Variants in PDZRN4 observed in about 807,000 individuals in gnomAD.
PDZRN4 encodes PDZ domain containing ring finger 4, also known as PDZ domain-containing RING finger protein 4.
Under a neutral mutation model 99.0 loss-of-function variants are expected in PDZRN4, and 70 were observed. The ratio of observed to expected loss-of-function variants is 0.71; its 90% CI spans 0.58 to 0.86. The LOEUF (loss-of-function observed/expected upper bound fraction) is 0.86. Among genes scored for constraint, PDZRN4 ranks in the 40% least tolerant of loss-of-function variants. The probability of loss-of-function intolerance (pLI) is 0.00; values close to 1 mark genes in which losing one functional copy is unlikely to be tolerated. For missense variants in PDZRN4, 1,474 were observed against 1,331.2 expected, an observed-to-expected ratio of 1.11 and a Z score of -1.67; for synonymous variants, 551 against 501.6, an observed-to-expected ratio of 1.10 and a Z score of -1.32.
At chr12:41,507,576 A>C (rs570034882) in intron 4 of PDZRN4, among the ~76,000 whole-genome samples, 1 of 152,122 alleles carries the variant, frequency 6.6e-6, no homozygotes, top group Non-Finnish European at 1.5e-5. Context: ...AGTGGGTCAC[A>C]GATGTACAAT....
At chr12:41,342,501 C>T (rs867742933) in intron 3 of PDZRN4, among the ~76,000 whole-genome samples, 3 of 151,754 alleles carry the variant, frequency 2.0e-5, no homozygotes, top group Admixed American at 6.6e-5. Context: ...AACAACTCCA[C>T]AGAAAAAATA....
chr12:41,454,656 G>A (rs1952803589), intron 3 of PDZRN4, among the ~76,000 whole-genome samples: 1 of 152,184 alleles, frequency 6.6e-6, no homozygotes, highest in Non-Finnish European at 1.5e-5. Flanking sequence ...AGATATTCTA[G>A]GACTTTGACC....
At chr12:41,401,385 G>C (rs73274480) in intron 3 of PDZRN4, among the ~76,000 whole-genome samples, 2,537 of 152,170 alleles carry the variant, frequency 0.017, 71 homozygotes, top group African/African-American at 0.056. Flanking sequence ...GCATGTTTCA[G>C]TTTTCTTTTA....
chr12:41,381,745 G>A (rs1389705568), intron 3 of PDZRN4, among the ~76,000 whole-genome samples: 3 of 151,742 alleles, frequency 2.0e-5, no homozygotes, highest in African/African-American at 7.3e-5. Flanking sequence ...ATTTCTTTAG[G>A]GTCAGTTATT....
chr12:41,448,566 G>A (rs17129364), intron 3 of PDZRN4, among the ~76,000 whole-genome samples: 8,504 of 152,182 alleles, frequency 0.056, 593 homozygotes, highest in East Asian at 0.18. Flanking sequence ...ATGGCCCAGA[G>A]CAGCTATTTA....
At chr12:41,308,350 A>G (rs954802944) in intron 3 of PDZRN4, among the ~76,000 whole-genome samples, 2 of 152,212 alleles carry the variant, frequency 1.3e-5, no homozygotes, top group Non-Finnish European at 2.9e-5. Context: ...TTGTGACGTG[A>G]CATTAAGATC....
At chr12:41,286,336 C>CTTTTTTTTTTTTT (rs71081721) in intron 3 of PDZRN4, among the ~76,000 whole-genome samples, 57 of 106,260 alleles carry the variant, frequency 5.4e-4, no homozygotes, top group Non-Finnish European at 6.2e-4. Flanking sequence ...CCTTCTTCTT[C>CTTTTTTTTTTTTT]TTTTTTTTTT....
intron 3 of PDZRN4, among the ~76,000 whole-genome samples, chr12:41,204,404 G>T (rs1950835040): frequency 6.6e-6 from 1 of 152,014 alleles, no homozygotes. Flanking sequence ...GTTTTCTACT[G>T]CAGGCTTGTT....
intron 9 of PDZRN4, among the ~76,000 whole-genome samples, chr12:41,569,981 C>CTT (rs1056780881): frequency 6.6e-6 from 1 of 150,836 alleles, no homozygotes; most frequent in African/African-American, 2.5e-5. Flanking sequence ...TTGCTCCAGG[C>CTT]TTTTTTTTTC....
At chr12:41,222,449 A>C (rs1315199902) in intron 3 of PDZRN4, among the ~76,000 whole-genome samples, 1 of 152,118 alleles carries the variant, frequency 6.6e-6, no homozygotes, top group Non-Finnish European at 1.5e-5. Flanking sequence ...ATTTCGTATA[A>C]AATGAGTTTT....
intron 3 of PDZRN4, among the ~76,000 whole-genome samples, chr12:41,485,445 T>C (rs1402981503): frequency 2.0e-5 from 3 of 152,124 alleles, no homozygotes; most frequent in African/African-American, 7.2e-5. Flanking sequence ...ACCGGAGGTG[T>C]TGCTATTCTT....
Position 41,573,307 on chromosome 12 carries a change from T to TC in PDZRN4, c.2531dup (p.Ala845SerfsTer50). 6.2e-7 allele frequency: 1 copy of TC among 1,613,344 alleles called. No homozygotes were observed. Among genetic ancestry groups the TC allele is most frequent in the East Asian group, 2.2e-5 (1 of 44,862 alleles). ...AGCTCCTCATATAGATATGCAAACA[T>TC]CCCAGCACACGCCCGGCATTATCAA... On this transcript the variant is annotated frameshift_variant, in exon 10 of 10. Transcript: ENST00000402685. LOFTEE classifies it high-confidence loss of function.
At chr12:41,331,908 G>A (rs1412125742) in intron 3 of PDZRN4, among the ~76,000 whole-genome samples, 2 of 152,102 alleles carry the variant, frequency 1.3e-5, no homozygotes, top group African/African-American at 4.8e-5. Flanking sequence ...TTTGGGTGAG[G>A]ACACAGCCGA....
chr12:41,431,320 T>G (rs752700401), intron 3 of PDZRN4, among the ~76,000 whole-genome samples: 2 of 152,208 alleles, frequency 1.3e-5, no homozygotes, highest in African/African-American at 2.4e-5. Context: ...TAGTAGGTGC[T>G]ATTATTATCC....
chr12:41,416,320 G>A (rs538633866), intron 3 of PDZRN4, among the ~76,000 whole-genome samples: 2 of 152,238 alleles, frequency 1.3e-5, no homozygotes, highest in South Asian at 4.1e-4. Context: ...ACAAAAAAAT[G>A]GCGAAAGAAG....
Position 41,188,449 on chromosome 12 carries a change from C to G in PDZRN4, c.-7C>G. Reference sequence around the variant, plus strand: ...CTTTCGCTCCCCCTTTCTTCCCCATCCCTAACATGGGCTTTGCCCTGGAGC... The same window carrying G: ...CTTTCGCTCCCCCTTTCTTCCCCATGCCTAACATGGGCTTTGCCCTGGAGC... On this transcript the variant is annotated 5_prime_UTR_variant, in exon 1 of 10. In the 5' UTR this introduces an upstream ATG that the reference lacks. Transcript: ENST00000402685. The G allele has an allele frequency of 6.3e-7, 1 of 1,575,232 alleles. No individual in the cohort carries two copies. The highest frequency in any genetic ancestry group is 8.6e-7 in the Non-Finnish European group (1 of 1,167,910).
chr12:41,208,517 G>A (rs543227857), intron 3 of PDZRN4, among the ~76,000 whole-genome samples: 1 of 151,784 alleles, frequency 6.6e-6, no homozygotes. Flanking sequence ...TTTAATCTTT[G>A]TCAGTAGCAG....
rs991006379 is a variant in PDZRN4 at position 41,236,617 on chromosome 12, C to T, written c.843+42429C>T. ...TAGTATGGGCAATAGATAATGAGGA[C>T]TTGAATGGGTGTGGGGGAGTGGGAC... On this transcript the variant is annotated intron_variant, in intron 3 of 9. Transcript: ENST00000402685. Among the ~76,000 whole-genome samples the T allele has an allele frequency of 5.9e-5, 9 of 152,024 alleles. No individual in the cohort carries two copies. The East Asian group carries it at 1.7e-3, about 29-fold the overall frequency.
chr12:41,262,699 A>G (rs371552577), intron 3 of PDZRN4, among the ~76,000 whole-genome samples: 19 of 148,550 alleles, frequency 1.3e-4, no homozygotes, highest in Middle Eastern at 3.5e-3. Flanking sequence ...GTGATCACTG[A>G]CAGAGAAAAC....
Sources: gnomAD v4.1 joint callset for allele counts (sites outside exome capture counted in the v4.1 genomes callset) on GRCh38, gnomAD v4.1.1 for gene constraint, MANE v1.5 for transcripts, NCBI Gene and HGNC (gene_info 2026-07-23, HGNC 2026-07-21) for gene names.